Variants in MCTP1 observed in about 807,000 individuals in gnomAD.
MCTP1 encodes the protein multiple C2 and transmembrane domain-containing protein 1.
MCTP1 carries 69 observed loss-of-function variants against 120.6 expected under a neutral mutation model. The ratio of observed to expected loss-of-function variants is 0.57; its 90% CI spans 0.47 to 0.70. The LOEUF (loss-of-function observed/expected upper bound fraction) is 0.70, where lower values mean the gene tolerates loss of function less well. Ranked by LOEUF, MCTP1 falls within the 30% of genes least tolerant of loss-of-function variation. The pLI is 0.00. For missense variants in MCTP1, 1,203 were observed against 1,248.8 expected, an observed-to-expected ratio of 0.96 and a Z score of 0.55; for synonymous variants, 529 against 493.1, an observed-to-expected ratio of 1.07 and a Z score of -0.96.
At chr5:95,220,369 G>A (rs1028584403) in intron 1 of MCTP1, among the ~76,000 whole-genome samples, 6 of 147,620 alleles carry the variant, frequency 4.1e-5, no homozygotes, top group African/African-American at 7.5e-5. Flanking sequence ...TCCTTAGTCC[G>A]CTGGCCTCTA....
chr5:95,217,240 A>T (rs1284021027), intron 1 of MCTP1, among the ~76,000 whole-genome samples: 1 of 152,224 alleles, frequency 6.6e-6, no homozygotes, highest in Non-Finnish European at 1.5e-5. Context: ...ATTTAACATT[A>T]ACATTACCTT....
intron 1 of MCTP1, among the ~76,000 whole-genome samples, chr5:95,087,975 C>G (rs1438638885): frequency 6.6e-6 from 1 of 152,190 alleles, no homozygotes; most frequent in African/African-American, 2.4e-5. Context: ...GATTTGCTCC[C>G]CATGTAGTCT....
intron 16 of MCTP1, among the ~76,000 whole-genome samples, chr5:94,868,774 C>T (rs1363069485): frequency 1.3e-5 from 2 of 151,822 alleles, no homozygotes; most frequent in Non-Finnish European, 2.9e-5. Flanking sequence ...TAATTTTAAA[C>T]TCTTAAACCT....
intron 19 of MCTP1, among the ~76,000 whole-genome samples, chr5:94,760,123 T>C (rs1444624528): frequency 2.0e-5 from 3 of 152,108 alleles, no homozygotes; most frequent in Non-Finnish European, 4.4e-5. Context: ...AGCCAACCTG[T>C]AGTATTAGAT....
At chr5:94,737,814 G>A (rs1448606567) in intron 19 of MCTP1, among the ~76,000 whole-genome samples, 1 of 152,140 alleles carries the variant, frequency 6.6e-6, no homozygotes, top group Non-Finnish European at 1.5e-5. Flanking sequence ...ATAGCTGGGA[G>A]TAGAGGTGTG....
chr5:94,973,213 A>G (rs1394419813), intron 2 of MCTP1, among the ~76,000 whole-genome samples: 1 of 152,208 alleles, frequency 6.6e-6, no homozygotes, highest in African/African-American at 2.4e-5. Flanking sequence ...AATCCATTAC[A>G]AGAGCTATTT....
At chr5:95,158,327 G>A (rs750214638) in intron 1 of MCTP1, among the ~76,000 whole-genome samples, 159 of 152,138 alleles carry the variant, frequency 1.0e-3, no homozygotes, top group Non-Finnish European at 1.1e-3. Context: ...CTTTCTATAG[G>A]CCTTTGTGCA....
chr5:95,029,771 C>T (rs998498313), intron 1 of MCTP1, among the ~76,000 whole-genome samples: 3 of 152,148 alleles, frequency 2.0e-5, no homozygotes, highest in Non-Finnish European at 4.4e-5. Context: ...CCGGTTTGCA[C>T]GAGTATGGTT....
rs184061517 is a variant in MCTP1 at position 95,003,162 on chromosome 5, A to T, written c.838+14205T>A. Among the ~76,000 whole-genome samples the T allele has an allele frequency of 2.0e-5, 3 of 152,206 alleles. No homozygotes were observed. In the East Asian group the frequency reaches 5.8e-4, roughly 29 times the overall value. On this transcript the variant is annotated intron_variant, in intron 2 of 22. Coordinates refer to ENST00000515393, the MANE Select transcript of MCTP1 (RefSeq NM_024717.7). ...CCATGCAGAACTGTGAGTTAATTAA[A>T]CCTCTTTTCTTTATAAATTACCCAG...
intron 2 of MCTP1, among the ~76,000 whole-genome samples, chr5:95,016,607 G>A (rs1837159341): frequency 6.6e-6 from 1 of 151,928 alleles, no homozygotes; most frequent in African/African-American, 2.4e-5. Flanking sequence ...CCTGGCAGGA[G>A]GAGTTACATC....
At chr5:95,253,257 T>C (rs906374494) in intron 1 of MCTP1, among the ~76,000 whole-genome samples, 1 of 152,114 alleles carries the variant, frequency 6.6e-6, no homozygotes, top group Admixed American at 6.6e-5. Context: ...GAAACAAAAC[T>C]TCATTTCTAA....
chr5:95,017,493 C>T lies in MCTP1; in HGVS notation c.721-9G>A, dbSNP rs376054750. 5 of 1,545,160 alleles carry T rather than the reference C, an allele frequency of 3.2e-6. No homozygotes were observed. The African/African-American group carries it at 4.1e-5, about 13-fold the overall frequency. The stretch of plus-strand genomic sequence containing the variant: ...GCAGTGTTTATTATTTTCTGGAAAA[C>T]ACGAAATATAAAAAATATTAAATTT... On this transcript the variant is annotated splice_polypyrimidine_tract_variant and intron_variant, in intron 1 of 22. Coordinates refer to ENST00000515393, the MANE Select transcript of MCTP1 (RefSeq NM_024717.7).
At chr5:94,827,795 GGT>G (rs1787537466) in intron 17 of MCTP1, among the ~76,000 whole-genome samples, 1 of 151,102 alleles carries the variant, frequency 6.6e-6, no homozygotes, top group African/African-American at 2.4e-5. Flanking sequence ...AAGTTCTTGT[GGT>G]GTGTTTTTCA....
At chr5:94,760,681 A>G (rs1771111287) in intron 19 of MCTP1, among the ~76,000 whole-genome samples, 1 of 148,768 alleles carries the variant, frequency 6.7e-6, no homozygotes, top group South Asian at 2.2e-4. Flanking sequence ...TACAGTTTCT[A>G]CAACAAAATT....
chr5:95,035,344 A>G (rs1456199613), intron 1 of MCTP1, among the ~76,000 whole-genome samples: 2 of 152,102 alleles, frequency 1.3e-5, no homozygotes, highest in Non-Finnish European at 2.9e-5. Flanking sequence ...AGTGAATTGG[A>G]TAAGGAAAAT....
intron 17 of MCTP1, among the ~76,000 whole-genome samples, chr5:94,814,962 C>T (rs1004998143): frequency 1.3e-5 from 2 of 152,160 alleles, no homozygotes; most frequent in South Asian, 2.1e-4. Flanking sequence ...TGATGTCTGT[C>T]GCCAAGTTAC....
At chr5:95,138,237 C>CCCCT (rs952922775) in intron 1 of MCTP1, among the ~76,000 whole-genome samples, 1 of 150,318 alleles carries the variant, frequency 6.7e-6, no homozygotes, top group Non-Finnish European at 1.5e-5. Flanking sequence ...GATGCAACCC[C>CCCCT]CCCCCGACAT....
At chr5:94,992,591 G>C (rs528082522) in intron 2 of MCTP1, among the ~76,000 whole-genome samples, 24 of 152,296 alleles carry the variant, frequency 1.6e-4, no homozygotes, top group African/African-American at 5.5e-4. Context: ...AGCCACAGGA[G>C]TGCGTTTGGC....
At chr5:95,168,578 A>G (rs1008533099) in intron 1 of MCTP1, among the ~76,000 whole-genome samples, 2 of 152,108 alleles carry the variant, frequency 1.3e-5, no homozygotes, top group Non-Finnish European at 2.9e-5. Context: ...TATTTCGTTG[A>G]GCAGTGGTTT....
Sources: allele counts gnomAD v4.1 joint callset (sites outside exome capture counted in the v4.1 genomes callset), GRCh38; gene constraint gnomAD v4.1.1; transcripts MANE v1.5; gene names NCBI Gene and HGNC (gene_info 2026-07-23, HGNC 2026-07-21).